Variants in PTPRA observed in about 807,000 individuals in gnomAD.
PTPRA encodes the protein receptor-type tyrosine-protein phosphatase alpha.
Under a neutral mutation model 104.8 loss-of-function variants are expected in PTPRA, and 25 were observed. That is an observed-to-expected ratio of 0.24 (90% CI 0.17 to 0.33). PTPRA has a LOEUF of 0.33. Among genes scored for constraint, PTPRA ranks in the 10% least tolerant of loss-of-function variants. The pLI, the probability that PTPRA is intolerant of heterozygous loss-of-function variation, is 1.00. For missense variants in PTPRA, 765 were observed against 1,015.3 expected (o/e 0.75, Z 3.35); for synonymous variants, 323 against 368.9 (o/e 0.88, Z 1.43).
intron 20 of PTPRA, among the ~76,000 whole-genome samples, chr20:3,032,364 A>G (rs546788909): frequency 6.6e-6 from 1 of 152,254 alleles, no homozygotes; most frequent in East Asian, 1.9e-4. Flanking sequence ...TCATCAGCCT[A>G]TACATGTTAC....
At chr20:3,030,261 G>T (rs2065368694) in intron 20 of PTPRA, among the ~76,000 whole-genome samples, 1 of 152,164 alleles carries the variant, frequency 6.6e-6, no homozygotes, top group Non-Finnish European at 1.5e-5. Context: ...TGTGGCGGTG[G>T]GGAGAAGAGT....
intron 1 of PTPRA, among the ~76,000 whole-genome samples, chr20:2,921,595 C>T (rs999615760): frequency 2.0e-5 from 3 of 151,920 alleles, no homozygotes; most frequent in African/African-American, 7.3e-5. Flanking sequence ...ATTCTTGTTT[C>T]TCCAACAATG....
intron 1 of PTPRA, among the ~76,000 whole-genome samples, chr20:2,915,840 C>G (rs6107209): frequency 1.3e-5 from 2 of 152,136 alleles, no homozygotes; most frequent in Admixed American, 6.5e-5. Context: ...AAAAATTAGC[C>G]TATGGCGTGT....
chr20:2,968,870 G>T (rs867076088), intron 5 of PTPRA, among the ~76,000 whole-genome samples: 2 of 151,822 alleles, frequency 1.3e-5, no homozygotes, highest in African/African-American at 4.8e-5. Flanking sequence ...AGCTGTGATC[G>T]CACCACCGTA....
At chr20:3,011,786 C>G (rs1215819908) in intron 11 of PTPRA, among the ~76,000 whole-genome samples, 1 of 152,098 alleles carries the variant, frequency 6.6e-6, no homozygotes, top group East Asian at 1.9e-4. Context: ...TACTGGGTAC[C>G]TTAACAAAAC....
Position 3,022,668 on chromosome 20 carries a change from C to T in PTPRA, c.1329-21C>T, listed in dbSNP as rs770603397. 3 of 1,613,752 alleles carry T rather than the reference C, an allele frequency of 1.9e-6. No homozygotes were observed. Among genetic ancestry groups the T allele is most frequent in the East Asian group, 4.5e-5 (2 of 44,884 alleles). On this transcript the variant is annotated intron_variant, in intron 15 of 23. Transcript: ENST00000399903. The surrounding 1 kb of genome is among the most constrained non-coding windows in gnomAD (Gnocchi z 4.6). The stretch of plus-strand genomic sequence containing the variant: ...CAAGGCAGGCTGGCCATCCCTATAA[C>T]CCCCTGCTCTCTGGCTACAGTGCAG...
chr20:2,910,179 GTA>G (rs1491388940), intron 1 of PTPRA, among the ~76,000 whole-genome samples: 1 of 97,916 alleles, frequency 1.0e-5, no homozygotes, highest in Non-Finnish European at 1.9e-5. Flanking sequence ...ATGACGTATA[GTA>G]TATATGATAT....
At chr20:2,909,668 A>G (rs1311982816) in intron 1 of PTPRA, among the ~76,000 whole-genome samples, 3 of 149,698 alleles carry the variant, frequency 2.0e-5, no homozygotes, top group Non-Finnish European at 4.4e-5. Context: ...GTGCAGCTAC[A>G]TTCTTTCTTA....
intron 6 of PTPRA, among the ~76,000 whole-genome samples, chr20:2,977,734 A>T (rs2062498880): frequency 1.3e-5 from 2 of 150,830 alleles, no homozygotes; most frequent in Admixed American, 6.6e-5. Context: ...TTCGGCATTT[A>T]TTCAGTACCT....
chr20:3,036,485 A>G (rs2065806957), intron 22 of PTPRA, among the ~76,000 whole-genome samples: 1 of 152,130 alleles, frequency 6.6e-6, no homozygotes, highest in South Asian at 2.1e-4. Flanking sequence ...CTCTGAGCAC[A>G]CTCCTGCCAT....
In PTPRA at chr20:3,027,978, A is replaced by G. The variant is rs2065227961; in HGVS notation, c.1920+137A>G. 8 of 1,221,542 alleles carry G rather than the reference A, an allele frequency of 6.5e-6. No homozygotes were observed. In the South Asian group the frequency reaches 1.1e-4, roughly 16 times the overall value. The allele number at this position is 1,221,542 out of a possible 1,614,324, so 75.7% of individuals were successfully genotyped here. On this transcript the variant is annotated intron_variant, in intron 20 of 23. Transcript: ENST00000399903. ...TACGGTCCAAAGAGTACGTTTGCAT[A>G]GTATAAGTACATACTTAAAGGTATA...
chr20:2,887,784 G>C (rs976102109), intron 1 of PTPRA, among the ~76,000 whole-genome samples: 3 of 152,224 alleles, frequency 2.0e-5, no homozygotes, highest in African/African-American at 7.2e-5. Flanking sequence ...TACCAGAGCA[G>C]TGTGGGATAG....
At chr20:2,910,436 T>C (rs1404082446) in intron 1 of PTPRA, among the ~76,000 whole-genome samples, 1 of 128,578 alleles carries the variant, frequency 7.8e-6, no homozygotes, top group Non-Finnish European at 1.6e-5. Context: ...AAAATGTATA[T>C]TATATATAAG....
At chr20:2,922,446 T>G (rs1435589821) in intron 1 of PTPRA, among the ~76,000 whole-genome samples, 1 of 152,026 alleles carries the variant, frequency 6.6e-6, no homozygotes, top group African/African-American at 2.4e-5. Context: ...TTCAAGCAAT[T>G]CTCCTGCCTC....
chr20:2,923,680 T>C (rs2147379576), intron 2 of PTPRA, among the ~76,000 whole-genome samples: 1 of 152,170 alleles, frequency 6.6e-6, no homozygotes, highest in Admixed American at 6.5e-5. Context: ...GTGCCTGTAA[T>C]CCCAGCTACT....
intron 1 of PTPRA, among the ~76,000 whole-genome samples, chr20:2,879,942 T>C (rs2089956718): frequency 6.6e-6 from 1 of 152,200 alleles, no homozygotes; most frequent in Non-Finnish European, 1.5e-5. Context: ...ATGTGTTCCA[T>C]TGTTAAGTGA....
chr20:2,967,733 T>C (rs2061999286), intron 5 of PTPRA, among the ~76,000 whole-genome samples: 1 of 152,106 alleles, frequency 6.6e-6, no homozygotes, highest in Admixed American at 6.5e-5. Context: ...TGGGTGCATG[T>C]GCTTGTAGTC....
chr20:3,019,858 G>T (rs568215425), intron 13 of PTPRA, among the ~76,000 whole-genome samples: 2 of 152,226 alleles, frequency 1.3e-5, no homozygotes, highest in South Asian at 4.1e-4. Context: ...GATCACTTGC[G>T]GTTAGGAGCT....
chr20:2,904,413 A>G (rs6132985), intron 1 of PTPRA, among the ~76,000 whole-genome samples: 6,447 of 152,028 alleles, frequency 0.042, 314 homozygotes, highest in Admixed American at 0.11. Context: ...GCTCATGCCT[A>G]TAATCCCAGC....
Sources: gnomAD v4.1 joint callset for allele counts (sites outside exome capture counted in the v4.1 genomes callset) on GRCh38, gnomAD v4.1.1 for gene constraint, Gnocchi (gnomAD v3.1) non-coding constraint, MANE v1.5 for transcripts, NCBI Gene and HGNC (gene_info 2026-07-23, HGNC 2026-07-21) for gene names.